BAIAP2: variants seen among roughly 807,000 people sequenced by gnomAD.
The protein encoded by BAIAP2 is BAR/IMD domain-containing adapter protein 2.
BAIAP2 carries 18 observed loss-of-function variants against 63.0 expected under a neutral mutation model. That is an observed-to-expected ratio of 0.29 (90% CI 0.20 to 0.42). The LOEUF is 0.42. Ranked by LOEUF, BAIAP2 falls within the 10% of genes least tolerant of loss-of-function variation. The pLI, the probability that BAIAP2 is intolerant of heterozygous loss-of-function variation, is 1.00. For synonymous variants in BAIAP2, 386 were observed against 307.6 expected (o/e 1.25, Z -2.67); for missense variants, 610 against 734.3 (o/e 0.83, Z 1.96).
intron 13 of BAIAP2, among the ~76,000 whole-genome samples, chr17:81,111,773 G>A (rs1413347271): frequency 6.6e-6 from 1 of 152,208 alleles, no homozygotes; most frequent in Non-Finnish European, 1.5e-5. Context: ...GGGGGCCCTT[G>A]CCCACACCTT....
intron 6 of BAIAP2, among the ~76,000 whole-genome samples, chr17:81,089,058 G>A (rs1370836783): frequency 2.0e-5 from 3 of 152,252 alleles, no homozygotes; most frequent in Non-Finnish European, 4.4e-5. Context: ...CCTGCCCTCC[G>A]CGCTGCTCTG....
chr17:81,085,161 C>T (rs2145284048), intron 4 of BAIAP2: 1 of 555,500 alleles, frequency 1.8e-6, no homozygotes, highest in South Asian at 2.0e-5. Context: ...ATCGCAGCCC[C>T]AGCCAGACCC....
At chr17:81,059,108 C>T (rs12601569) in intron 3 of BAIAP2, among the ~76,000 whole-genome samples, 9 of 151,966 alleles carry the variant, frequency 5.9e-5, no homozygotes, top group East Asian at 1.9e-4. Context: ...CAGCCCCCTG[C>T]GGACCCTCAT....
intron 3 of BAIAP2, among the ~76,000 whole-genome samples, chr17:81,082,648 C>T (rs886934281): frequency 2.6e-5 from 4 of 152,200 alleles, no homozygotes; most frequent in Admixed American, 6.5e-5. Context: ...TGCATGAATC[C>T]CTTTCCTCTT....
rs1455415073 is a variant in BAIAP2 at position 81,116,154 on chromosome 17, C to A, written c.*315C>A. The A allele has an allele frequency of 6.2e-7, 1 of 1,600,694 alleles. No homozygotes were observed. Among genetic ancestry groups the A allele is most frequent in the East Asian group, 2.2e-5 (1 of 44,692 alleles). On this transcript the variant is annotated 3_prime_UTR_variant, in exon 14 of 14. Transcript: ENST00000428708. ...CCCTGAGTTAAGGGAGGACATTTGGCCAGCTGGTGGCTGGGAGGGGAGCCT... is the reference window on the plus strand; with the variant it reads ...CCCTGAGTTAAGGGAGGACATTTGGACAGCTGGTGGCTGGGAGGGGAGCCT...
intron 3 of BAIAP2, among the ~76,000 whole-genome samples, chr17:81,067,105 C>A (rs2051619245): frequency 1.3e-5 from 2 of 152,246 alleles, no homozygotes; most frequent in Admixed American, 1.3e-4. Flanking sequence ...GGCCCAAGCC[C>A]AGCCTGGGGG....
chr17:81,110,961 T>A lies in BAIAP2; in HGVS notation c.1535+2452T>A. The A allele has an allele frequency of 2.5e-6, 4 of 1,613,838 alleles. No homozygotes were observed. The East Asian group carries it at 8.9e-5, about 36-fold the overall frequency. On this transcript the variant is annotated intron_variant, in intron 13 of 13. Transcript: ENST00000428708. Reference sequence around the variant, plus strand: ...TTCTGAGCCGCCTGACTAGAGTTAGTAAGTTGCCTGGCGTTCTCGTGCAGT... The same window carrying A: ...TTCTGAGCCGCCTGACTAGAGTTAGAAAGTTGCCTGGCGTTCTCGTGCAGT...
intron 1 of BAIAP2, chr17:81,037,104 C>A (rs914084385): frequency 2.9e-5 from 21 of 729,492 alleles, no homozygotes; most frequent in Non-Finnish European, 4.0e-5. Flanking sequence ...GGCAGGAAAA[C>A]TCTTAGGACT....
intron 2 of BAIAP2, chr17:81,056,327 A>G (rs1202205385): frequency 6.6e-6 from 1 of 152,166 alleles, no homozygotes; most frequent in African/African-American, 2.4e-5. Context: ...GAGAATCCAG[A>G]GTCCAGATGA....
chr17:81,111,098 C>T (rs1287903144), intron 13 of BAIAP2: 2 of 1,018,116 alleles, frequency 2.0e-6, no homozygotes, highest in East Asian at 5.1e-5. Context: ...CTGCCTCTCA[C>T]TCTGGGTGCT....
chr17:81,041,985 C>T (rs540538836), intron 1 of BAIAP2, among the ~76,000 whole-genome samples: 183 of 152,284 alleles, frequency 1.2e-3, no homozygotes, highest in Non-Finnish European at 1.8e-3. Context: ...CACATTTCAG[C>T]TCTGGGCTGT....
chr17:81,086,382 G>C, intron 5 of BAIAP2, 61 bp from the exon 6 acceptor site: 1 of 1,584,974 alleles, frequency 6.3e-7, no homozygotes, highest in Non-Finnish European at 8.6e-7. Flanking sequence ...TTTGCTGCCA[G>C]TGGTCCGCGC....
chr17:81,108,930 C>A (rs571420287), intron 13 of BAIAP2: 1 of 1,539,690 alleles, frequency 6.5e-7, no homozygotes. Context: ...TGGGCAGCGT[C>A]GTGCAGCCAG....
intron 6 of BAIAP2, among the ~76,000 whole-genome samples, chr17:81,093,439 C>T (rs2057129689): frequency 6.6e-6 from 1 of 152,196 alleles, no homozygotes; most frequent in African/African-American, 2.4e-5. Flanking sequence ...TTACCTTCCC[C>T]TGTTCCCTTT....
chr17:81,048,218 C>A (rs12938308), intron 1 of BAIAP2, among the ~76,000 whole-genome samples: 1 of 152,034 alleles, frequency 6.6e-6, no homozygotes, highest in African/African-American at 2.4e-5. Context: ...AACCCCGTCT[C>A]TACTGAAATA....
At chr17:81,113,278 A>G (rs1169346055) in intron 13 of BAIAP2, among the ~76,000 whole-genome samples, 8 of 151,874 alleles carry the variant, frequency 5.3e-5, no homozygotes, top group Non-Finnish European at 7.4e-5. Context: ...CTGGCTGGAG[A>G]GGTGCTGGTG....
At chr17:81,069,583 G>A (rs768712202) in intron 3 of BAIAP2, among the ~76,000 whole-genome samples, 4 of 152,242 alleles carry the variant, frequency 2.6e-5, no homozygotes, top group Non-Finnish European at 5.9e-5. Flanking sequence ...TCTGTTCCCT[G>A]CCTCTGCAGT....
At chr17:81,093,013 G>A (rs2057039045) in intron 6 of BAIAP2, among the ~76,000 whole-genome samples, 1 of 152,090 alleles carries the variant, frequency 6.6e-6, no homozygotes, top group South Asian at 2.1e-4. Context: ...GGGCCCGGGG[G>A]ACGTGTCCAC....
intron 3 of BAIAP2, among the ~76,000 whole-genome samples, chr17:81,075,690 G>A (rs961930470): frequency 1.3e-5 from 2 of 152,114 alleles, no homozygotes; most frequent in Non-Finnish European, 1.5e-5. Context: ...TCAGTGCTAC[G>A]CGTATCACCA....
Sources: gnomAD v4.1 joint callset for allele counts (sites outside exome capture counted in the v4.1 genomes callset) on GRCh38, gnomAD v4.1.1 for gene constraint, MANE v1.5 for transcripts, NCBI Gene and HGNC (gene_info 2026-07-23, HGNC 2026-07-21) for gene names.